CRELD2: variants seen among roughly 807,000 people sequenced by gnomAD.
CRELD2 encodes the protein protein disulfide isomerase CRELD2.
Under a neutral mutation model 48.1 loss-of-function variants are expected in CRELD2, and 33 were observed. That is an observed-to-expected ratio of 0.69 (90% CI 0.52 to 0.92). CRELD2 has a LOEUF of 0.92. Among genes scored for constraint, CRELD2 ranks in the 40% least tolerant of loss-of-function variants. The pLI is 0.00. For synonymous variants in CRELD2, 220 were observed against 203.9 expected, an observed-to-expected ratio of 1.08 and a Z score of -0.67; for missense variants, 477 against 482.4, an observed-to-expected ratio of 0.99 and a Z score of 0.10.
At chr22:49,921,381 C>G in intron 4 of CRELD2, 2 of 588,474 alleles carry the variant, frequency 3.4e-6, no homozygotes, top group Non-Finnish European at 6.0e-6. Context: ...GCCCAGGAGC[C>G]TGTGGCTTGC....
intron 8 of CRELD2, 28 bp from the exon 9 acceptor site, chr22:49,925,389 T>G: frequency 7.0e-7 from 1 of 1,428,224 alleles, no homozygotes; most frequent in Non-Finnish European, 9.8e-7. Flanking sequence ...AGCAAAGTAA[T>G]TATTAAAACG....
intron 7 of CRELD2, 155 bp downstream of exon 7, chr22:49,923,472 A>C: frequency 1.4e-6 from 1 of 718,886 alleles, no homozygotes; most frequent in Non-Finnish European, 2.5e-6. Context: ...TATTTGCTGC[A>C]GGAAAATCAG....
chr22:49,925,906 G>T (rs147343190), intron 9 of CRELD2: 5 of 344,052 alleles, frequency 1.5e-5, no homozygotes, highest in Non-Finnish European at 1.4e-5. Flanking sequence ...CCAGGGTGCC[G>T]CAGAGACAGG....
intron 8 of CRELD2, chr22:49,924,689 GC>G (rs1227083226): frequency 2.9e-6 from 1 of 346,078 alleles, no homozygotes; most frequent in Non-Finnish European, 5.4e-6. Context: ...TGCTGCACCA[GC>G]CTCTCGCCGG....
At chr22:49,921,177 A>C in intron 4 of CRELD2, 1 of 182,954 alleles carries the variant, frequency 5.5e-6, no homozygotes, top group Non-Finnish European at 1.2e-5. Context: ...GGTCCTGAGT[A>C]CTGTGGGCCA....
At chr22:49,921,446 A>G in intron 4 of CRELD2, 139 bp from the exon 5 acceptor site, 3 of 905,792 alleles carry the variant, frequency 3.3e-6, no homozygotes, top group Non-Finnish European at 4.9e-6. Context: ...AGTTTCCCCA[A>G]ACACCCACTC....
chr22:49,920,725 T>G (rs1336705242), intron 4 of CRELD2, among the ~76,000 whole-genome samples: 1 of 152,210 alleles, frequency 6.6e-6, no homozygotes. Context: ...TGTGAAGAAG[T>G]GTGCATTGAA....
Position 49,927,422 on chromosome 22 carries a change from G to T in CRELD2, c.*115G>T. On this transcript the variant is annotated 3_prime_UTR_variant, in exon 10 of 10. Transcript: ENST00000328268. ...GGGGAGAGGCTGCCTGCTCTCTAACGGTTGATTCTCATTTGTCCCTTAAAC... is the reference window on the plus strand; with the variant it reads ...GGGGAGAGGCTGCCTGCTCTCTAACTGTTGATTCTCATTTGTCCCTTAAAC... 3 of 804,702 alleles carry T rather than the reference G, an allele frequency of 3.7e-6. No individual in the cohort carries two copies. The highest frequency in any genetic ancestry group is 2.3e-4 in the Middle Eastern group (1 of 4,396). 49.8% of individuals were successfully genotyped at this position (804,702 alleles called of 1,614,324 possible).
rs750399051 is a variant in CRELD2, at chr22:49,925,513, G to T, written c.965G>T (p.Gly322Val). ...AGCTACGTCTGTGTGTGTCCTGACG[G>T]CTTCGAAGAAACGGAAGATGCCTGT... is the stretch of plus-strand genomic sequence containing the variant. ...PGSYVCVCPD[G>V]FEETEDACVP... Residue 322 changes from glycine to valine, a missense_variant, in exon 9 of 10, where the codon GGC becomes GTC. Gly to Val is a moderately radical substitution (Grantham distance 109). Transcript: ENST00000328268. The T allele has an allele frequency of 1.2e-6, 2 of 1,613,968 alleles. No homozygotes were observed. Among genetic ancestry groups the T allele is most frequent in the East Asian group, 2.2e-5 (1 of 44,884 alleles).
Position 49,925,726 on chromosome 22 carries a change from G to A in CRELD2, c.1009+169G>A, listed in dbSNP as rs548200347. 76 of 1,436,102 alleles carry A rather than the reference G, an allele frequency of 5.3e-5. No homozygotes were observed. The East Asian group carries it at 1.5e-3, about 29-fold the overall frequency. The allele number at this position is 1,436,102 out of a possible 1,614,324, so 89.0% of individuals were successfully genotyped here. ...CATCTCTGTGTGGGCACGCTTGCGCGAGAGGTACTGGCTTCCTGAGGATGA... is the reference window on the plus strand; with the variant it reads ...CATCTCTGTGTGGGCACGCTTGCGCAAGAGGTACTGGCTTCCTGAGGATGA... On this transcript the variant is annotated intron_variant, in intron 9 of 9. Transcript: ENST00000328268.
At chr22:49,921,990 T>C in intron 5 of CRELD2, 1 of 603,678 alleles carries the variant, frequency 1.7e-6, no homozygotes, top group South Asian at 2.1e-5. Context: ...CTACTCACCT[T>C]TCTCTCTAGT....
At chr22:49,918,934 CCCGGGGTCCCCCTCACCCTGCAT>C in intron 1 of CRELD2, 36 bp downstream of exon 1, 3 of 1,327,618 alleles carry the variant, frequency 2.3e-6, no homozygotes, top group Admixed American at 3.6e-5. Flanking sequence ...CAACCTTGGG[CCCGGGGTCCCCCTCACCCTGCAT>C]CCGGGGTCGC....
intron 5 of CRELD2, 176 bp from the exon 6 acceptor site, chr22:49,922,436 C>T: frequency 6.3e-7 from 1 of 1,593,442 alleles, no homozygotes; most frequent in African/African-American, 1.3e-5. Flanking sequence ...TAGCTGCCTT[C>T]TCTCCAGGTT....
chr22:49,919,929 G>A (rs1356403584), intron 3 of CRELD2, 89 bp downstream of exon 3: 2 of 1,066,124 alleles, frequency 1.9e-6, no homozygotes, highest in Non-Finnish European at 2.8e-6. Context: ...TACAGGAACA[G>A]TAGGGAGCTC....
At chr22:49,922,743 C>A in intron 6 of CRELD2, 36 bp downstream of exon 6, 1 of 1,136,670 alleles carries the variant, frequency 8.8e-7, no homozygotes. Context: ...AGGGCGCCTG[C>A]GTGAGGCGTG....
At chr22:49,919,416 C>G (rs533906328) in intron 2 of CRELD2, 104 bp downstream of exon 2, 2 of 1,051,870 alleles carry the variant, frequency 1.9e-6, no homozygotes, top group Admixed American at 4.0e-5. Context: ...CAGAACAGCC[C>G]CCGAGGCACC....
rs28562884 is a variant in CRELD2 at position 49,919,221 on chromosome 22, T to C, written c.130-9T>C. 0.12 allele frequency: 190,557 copies of C among 1,612,610 alleles called. 11,787 individuals carry two copies. The highest frequency in any genetic ancestry group is 0.16 in the South Asian group (14,643 of 91,048). Reference sequence around the variant, plus strand: ...GGTACCAAGCACTATGGGCACTGTCTCCTCGCAGGGGATGGTGGACACCGC... The same window carrying C: ...GGTACCAAGCACTATGGGCACTGTCCCCTCGCAGGGGATGGTGGACACCGC... On this transcript the variant is annotated splice_polypyrimidine_tract_variant and intron_variant, in intron 1 of 9. Transcript: ENST00000328268.
Position 49,918,726 on chromosome 22 carries a change from A to T in CRELD2, c.-44A>T. The T allele has an allele frequency of 1.3e-6, 1 of 763,498 alleles. No homozygotes were observed. The highest frequency in any genetic ancestry group is 1.8e-6 in the Non-Finnish European group (1 of 558,360). 47.3% of individuals were successfully genotyped at this position (763,498 alleles called of 1,614,324 possible). Reference sequence around the variant, plus strand: ...CGGGAGGCCGGAGCAGCACGGCCGCAGGACCTGGAGCTCCGGCTGCGTCTT... The same window carrying T: ...CGGGAGGCCGGAGCAGCACGGCCGCTGGACCTGGAGCTCCGGCTGCGTCTT... On this transcript the variant is annotated 5_prime_UTR_variant, in exon 1 of 10. Transcript: ENST00000328268.
Position 49,924,395 on chromosome 22 carries a change from G to A in CRELD2, c.808G>A (p.Gly270Ser), listed in dbSNP as rs554936098. ...DSSCVGCTGEGPGNCKECISG... is the reference protein window; with the variant it reads ...DSSCVGCTGESPGNCKECISG... ...CAGCTGTGTGGGCTGCACAGGGGAA[G>A]GCCCAGGAAACTGTAAAGAGTGTAT... Residue 270 changes from glycine to serine, a missense_variant, in exon 8 of 10, where the codon GGC (glycine) becomes AGC (serine). Gly to Ser is a moderately conservative substitution (Grantham distance 56, BLOSUM62 0). Transcript: ENST00000328268. 3 of 1,612,654 alleles carry A rather than the reference G, an allele frequency of 1.9e-6. No homozygotes were observed. The highest frequency in any genetic ancestry group is 2.7e-5 in the African/African-American group (2 of 75,050).
Sources: gnomAD v4.1 joint callset for allele counts (sites outside exome capture counted in the v4.1 genomes callset) on GRCh38, gnomAD v4.1.1 for gene constraint, MANE v1.5 for transcripts, NCBI Gene and HGNC (gene_info 2026-07-23, HGNC 2026-07-21) for gene names.